The following CELF2 variants were observed in gnomAD, a reference collection of about 807,000 sequenced individuals.
CELF2 encodes CUG triplet repeat RNA-binding protein 2.
In CELF2, 8 loss-of-function variants were observed where a neutral mutation model predicts 62.6. The ratio of observed to expected loss-of-function variants is 0.13; its 90% CI spans 0.07 to 0.23. CELF2 has a LOEUF of 0.23. CELF2 is among the 10% of genes least tolerant of loss of function. The pLI, the probability that CELF2 is intolerant of heterozygous loss-of-function variation, is 1.00. For synonymous variants in CELF2, 258 were observed against 250.0 expected, an observed-to-expected ratio of 1.03 and a Z score of -0.30; for missense variants, 333 against 671.0, an observed-to-expected ratio of 0.50 and a Z score of 5.56.
At chr10:10,694,455 G>T in the CELF2 span, among the ~76,000 whole-genome samples, 31 of 152,136 alleles carry the variant, frequency 2.0e-4, no homozygotes, top group African/African-American at 7.2e-4. Context: ...TTTGGAATTG[G>T]TGTGGCATGG....
chr10:11,203,303 G>A (rs893070560), intron 2 of CELF2, among the ~76,000 whole-genome samples: 4 of 152,124 alleles, frequency 2.6e-5, no homozygotes, highest in Non-Finnish European at 5.9e-5. Flanking sequence ...CCTCTGAGGT[G>A]TTCCAGAGAA....
intron 2 of CELF2, among the ~76,000 whole-genome samples, chr10:11,176,188 C>T (rs778853097): frequency 5.3e-5 from 8 of 152,094 alleles, no homozygotes; most frequent in Non-Finnish European, 1.0e-4. Flanking sequence ...CCCCTTTTTC[C>T]CCTTTGTCTT....
At chr10:10,523,129 T>C in the CELF2 span, among the ~76,000 whole-genome samples, 7 of 152,196 alleles carry the variant, frequency 4.6e-5, no homozygotes, top group African/African-American at 1.7e-4. Context: ...AGGGAAGAGC[T>C]GGCAGTCAAA....
At chr10:10,945,309 T>G (rs1038546538) in intron 2 of CELF2, among the ~76,000 whole-genome samples, 1 of 152,096 alleles carries the variant, frequency 6.6e-6, no homozygotes, top group East Asian at 1.9e-4. Context: ...GAGCAGGTCT[T>G]AGGTATCATG....
rs11257020 is a variant in CELF2, at chr10:11,217,936, A to G, written c.354+429A>G. Reference sequence around the variant, plus strand: ...ACAAAATGTACCCTTTACAGCCATAATATTAAGCCTCCTAATGGTTTCTAA... The same window carrying G: ...ACAAAATGTACCCTTTACAGCCATAGTATTAAGCCTCCTAATGGTTTCTAA... On this transcript the variant is annotated intron_variant, in intron 3 of 12. Coordinates refer to ENST00000633077, the MANE Select transcript of CELF2 (RefSeq NM_001326342.2). This position sits in a 1 kb window ranked among gnomAD's most constrained non-coding sequence, Gnocchi z 5.6. Among the ~76,000 whole-genome samples the G allele has an allele frequency of 7.7e-3, 1,168 of 152,336 alleles. 11 individuals carry two copies. The highest frequency in any genetic ancestry group is 0.026 in the African/African-American group (1,096 of 41,574).
At chr10:11,208,970 T>C (rs1384565536) in intron 2 of CELF2, among the ~76,000 whole-genome samples, 1 of 152,196 alleles carries the variant, frequency 6.6e-6, no homozygotes, top group Non-Finnish European at 1.5e-5. Context: ...CTTAACTTCT[T>C]CTCATTTTAT....
chr10:11,322,463 G>A (rs1007682216), intron 11 of CELF2, among the ~76,000 whole-genome samples: 10 of 152,328 alleles, frequency 6.6e-5, no homozygotes, highest in East Asian at 1.9e-4. Flanking sequence ...AGCAAAATCT[G>A]CTGAATGATA....
intron 2 of CELF2, chr10:10,924,044 G>T (rs894785119): frequency 6.6e-6 from 1 of 151,992 alleles, no homozygotes; most frequent in African/African-American, 2.4e-5. Flanking sequence ...ATGGAATGAG[G>T]TTTCAATATA....
rs1371795322 is a variant in CELF2, at chr10:11,330,302, A to AAGGAGTGTAAG, written c.*1251_*1261dup. The AAGGAGTGTAAG allele has an allele frequency of 6.6e-6, 1 of 152,610 alleles. No individual in the cohort carries two copies. Among genetic ancestry groups the AAGGAGTGTAAG allele is most frequent in the African/African-American group, 2.4e-5 (1 of 41,442 alleles). The allele number at this position is 152,610 out of a possible 1,614,324, so 9.5% of individuals were successfully genotyped here. On this transcript the variant is annotated 3_prime_UTR_variant, in exon 13 of 13. Transcript: ENST00000633077. This position sits in a 1 kb window ranked among gnomAD's most constrained non-coding sequence, Gnocchi z 4.5. ...CTTGGGGTTTCATTGTGCTGTGGATAAGGAGTGTAAGAAATGCAAATTATG... is the reference window on the plus strand; with the variant it reads ...CTTGGGGTTTCATTGTGCTGTGGATAAGGAGTGTAAGAGGAGTGTAAGAAATGCAAATTATG...
At chr10:11,299,264 C>T (rs2093481634) in intron 9 of CELF2, among the ~76,000 whole-genome samples, 1 of 152,240 alleles carries the variant, frequency 6.6e-6, no homozygotes, top group Non-Finnish European at 1.5e-5. Flanking sequence ...GTGGTGCGTG[C>T]TCTGCACCGG....
At position 11,305,780 on chromosome 10, in the gene CELF2, G is replaced by T. The variant is rs2140302805; in HGVS notation, c.977-8359G>T. ...GTCCCCTCAGTTGGGATTAGTGTTT[G>T]GGATTACTCAATTTGTAGTTTTCCA... On this transcript the variant is annotated intron_variant, in intron 9 of 12. Coordinates refer to ENST00000633077, the MANE Select transcript of CELF2 (RefSeq NM_001326342.2). The surrounding 1 kb of genome is among the most constrained non-coding windows in gnomAD (Gnocchi z 4.8). Among the ~76,000 whole-genome samples the T allele has an allele frequency of 6.6e-6, 1 of 152,306 alleles. No individual in the cohort carries two copies. Among genetic ancestry groups the T allele is most frequent in the East Asian group, 1.9e-4 (1 of 5,182 alleles).
rs10905906 is a variant in CELF2, at chr10:11,157,409, A to C, written c.75-8077A>C. The stretch of plus-strand genomic sequence containing the variant: ...CCCTCCCCCCACACACACACACACA[A>C]AAATTTCACTTAAACATTGCTCACA... On this transcript the variant is annotated intron_variant, in intron 1 of 12. Coordinates refer to ENST00000633077, the MANE Select transcript of CELF2 (RefSeq NM_001326342.2). The surrounding 1 kb of genome is among the most constrained non-coding windows in gnomAD (Gnocchi z 4.9). 0.036 allele frequency among the ~76,000 whole-genome samples: 2,128 copies of C among 59,024 alleles called. 51 individuals are homozygous for C. Among genetic ancestry groups the C allele is most frequent in the African/African-American group, 0.13 (1,952 of 15,098 alleles). The allele number at this position is 59,024 out of a possible 152,430, so 38.7% of individuals were successfully genotyped here.
chr10:10,961,088 T>C (rs1366528857), intron 2 of CELF2, among the ~76,000 whole-genome samples: 1 of 152,200 alleles, frequency 6.6e-6, no homozygotes, highest in Non-Finnish European at 1.5e-5. Flanking sequence ...ACAAGTAATA[T>C]TTTTTGGGTC....
chr10:11,179,744 T>C, intron 2 of CELF2, among the ~76,000 whole-genome samples: 1 of 152,012 alleles, frequency 6.6e-6, no homozygotes, highest in East Asian at 1.9e-4. Flanking sequence ...ACAGTCTTCT[T>C]TTCTTTCCCC....
At chr10:10,665,721 C>T in the CELF2 span, among the ~76,000 whole-genome samples, 2 of 152,130 alleles carry the variant, frequency 1.3e-5, no homozygotes, top group African/African-American at 4.8e-5. Flanking sequence ...TTTTACAAGT[C>T]ACTTATTAAT....
chr10:10,796,323 AG>A (rs2054136774), upstream of CELF2, among the ~76,000 whole-genome samples: 2 of 152,224 alleles, frequency 1.3e-5, no homozygotes, highest in Admixed American at 6.5e-5. Context: ...AACCGTTCCT[AG>A]TACCTAGTAA....
At chr10:10,631,133 G>A in the CELF2 span, among the ~76,000 whole-genome samples, 1 of 152,176 alleles carries the variant, frequency 6.6e-6, no homozygotes, top group African/African-American at 2.4e-5. Context: ...TTATTCCTAT[G>A]AGTAATCACT....
At chr10:11,240,784 G>A (rs934847665) in intron 3 of CELF2, among the ~76,000 whole-genome samples, 2 of 152,164 alleles carry the variant, frequency 1.3e-5, no homozygotes, top group Non-Finnish European at 2.9e-5. Context: ...GCCTGTAGGT[G>A]GAGGCAATCT....
intron 1 of CELF2, among the ~76,000 whole-genome samples, chr10:11,054,149 G>A (rs553689890): frequency 6.6e-6 from 1 of 152,146 alleles, no homozygotes; most frequent in East Asian, 1.9e-4. Context: ...AGAGTAAAAA[G>A]CCTGGCATAT....
Sources: gnomAD v4.1 joint callset for allele counts (sites outside exome capture counted in the v4.1 genomes callset) on GRCh38, gnomAD v4.1.1 for gene constraint, Gnocchi (gnomAD v3.1) non-coding constraint, MANE v1.5 for transcripts, NCBI Gene and HGNC (gene_info 2026-07-23, HGNC 2026-07-21) for gene names.